Variants in NUP210 observed in about 807,000 individuals in gnomAD.
NUP210 encodes nucleoporin 210, also known as nuclear pore membrane glycoprotein 210.
A neutral mutation model predicts 196.0 loss-of-function variants in NUP210; 151 were observed. The observed-to-expected ratio is 0.77, with a 90% CI of 0.67 to 0.88. The LOEUF (loss-of-function observed/expected upper bound fraction) is 0.88. Ranked by LOEUF, NUP210 falls within the 40% of genes least tolerant of loss-of-function variation. The pLI, the probability that NUP210 is intolerant of heterozygous loss-of-function variation, is 0.00. For missense variants in NUP210, 2,314 were observed against 2,493.7 expected (o/e 0.93, Z 1.53); for synonymous variants, 1,070 against 1,052.7 (o/e 1.02, Z -0.32).
At chr3:13,400,112 G>A (rs1334481636) in intron 1 of NUP210, among the ~76,000 whole-genome samples, 1 of 152,160 alleles carries the variant, frequency 6.6e-6, no homozygotes, top group East Asian at 1.9e-4. Flanking sequence ...AATCAAACAG[G>A]AGACCTCACA....
At chr3:13,365,464 C>T (rs1249406871) in intron 14 of NUP210, among the ~76,000 whole-genome samples, 7 of 152,212 alleles carry the variant, frequency 4.6e-5, no homozygotes, top group African/African-American at 1.7e-4. Context: ...AGATGGGGAG[C>T]AGGATGGATG....
chr3:13,416,843 G>A (rs763882919), intron 1 of NUP210, among the ~76,000 whole-genome samples: 5 of 152,336 alleles, frequency 3.3e-5, no homozygotes, highest in African/African-American at 4.8e-5. Context: ...ATGTAAGAAA[G>A]GAGCTAGGAG....
chr3:13,320,362 G>A (rs747789770), intron 36 of NUP210, among the ~76,000 whole-genome samples: 3 of 152,126 alleles, frequency 2.0e-5, no homozygotes, highest in Admixed American at 6.5e-5. Flanking sequence ...GGCTGGGCGC[G>A]GTTGCTCACG....
chr3:13,406,319 T>C (rs1699998534), intron 1 of NUP210, among the ~76,000 whole-genome samples: 1 of 152,118 alleles, frequency 6.6e-6, no homozygotes, highest in Non-Finnish European at 1.5e-5. Context: ...TCAGGAACTC[T>C]AAACACCAGA....
At chr3:13,397,739 CAA>C in intron 2 of NUP210, among the ~76,000 whole-genome samples, 1 of 151,662 alleles carries the variant, frequency 6.6e-6, no homozygotes, top group South Asian at 2.1e-4. Context: ...AAGCTGTGGG[CAA>C]AAAAAACTCC....
chr3:13,317,557 G>T lies in NUP210; in HGVS notation c.*124C>A. On this transcript the variant is annotated 3_prime_UTR_variant, in exon 40 of 40. Transcript: ENST00000254508. ...CTCTGTGTGAAGAGACGGCAGTGAAGCTGGCCTGGGGCCGGGGCACTCATC... is the reference window on the plus strand; with the variant it reads ...CTCTGTGTGAAGAGACGGCAGTGAATCTGGCCTGGGGCCGGGGCACTCATC... 2.8e-6 allele frequency: 2 copies of T among 725,672 alleles called. No individual in the cohort carries two copies. Among genetic ancestry groups the T allele is most frequent in the Non-Finnish European group, 4.8e-6 (2 of 413,546 alleles). 45.0% of individuals were successfully genotyped at this position (725,672 alleles called of 1,614,324 possible).
rs766905053 is a variant in NUP210, at chr3:13,371,995, G to A, written c.1625C>T (p.Pro542Leu). The A allele has an allele frequency of 1.6e-5, 25 of 1,595,656 alleles. No individual in the cohort carries two copies. Among genetic ancestry groups the A allele is most frequent in the East Asian group, 4.5e-5 (2 of 44,112 alleles). ...VIEPHSMEFA[P>L]CQVEARVGQA... Reference sequence around the variant, plus strand: ...GCCCACACGTGCCTCCACCTGGCACGGGGCAAACTCCATGCTGTGGGGCTC... The same window carrying A: ...GCCCACACGTGCCTCCACCTGGCACAGGGCAAACTCCATGCTGTGGGGCTC... The change falls in exon 13 of 40, where the codon CCG (proline) becomes CTG (leucine). Residue 542 changes from proline to leucine, a missense_variant. By Grantham distance (98) the Pro-to-Leu change is moderately conservative. Transcript: ENST00000254508.
intron 9 of NUP210, among the ~76,000 whole-genome samples, chr3:13,376,672 G>A (rs758757359): frequency 1.3e-5 from 2 of 152,056 alleles, no homozygotes; most frequent in South Asian, 2.1e-4. Context: ...CCTGCGCTTC[G>A]ATTTCATCCC....
chr3:13,403,130 T>C (rs1699894475), intron 1 of NUP210, among the ~76,000 whole-genome samples: 1 of 152,194 alleles, frequency 6.6e-6, no homozygotes, highest in African/African-American at 2.4e-5. Context: ...ATCCTAAATA[T>C]CATGCTTCTG....
chr3:13,361,221 G>A (rs1559328583), intron 14 of NUP210, among the ~76,000 whole-genome samples: 1 of 152,324 alleles, frequency 6.6e-6, no homozygotes, highest in East Asian at 1.9e-4. Context: ...TGAGTTTTGT[G>A]GCACCTAGAA....
intron 1 of NUP210, among the ~76,000 whole-genome samples, chr3:13,402,020 C>T (rs144752840): frequency 1.4e-4 from 22 of 152,078 alleles, no homozygotes; most frequent in East Asian, 3.9e-4. Flanking sequence ...CAAAGTGAGA[C>T]GCCATCTCTA....
At chr3:13,378,872 C>T (rs1200266663) in intron 8 of NUP210, 40 bp downstream of exon 8, 11 of 1,433,052 alleles carry the variant, frequency 7.7e-6, no homozygotes, top group Non-Finnish European at 1.1e-5. Context: ...ATAGTCACAA[C>T]TGAGCAGCAT....
At chr3:13,320,316 T>G (rs1278081679) in intron 36 of NUP210, among the ~76,000 whole-genome samples, 1 of 152,210 alleles carries the variant, frequency 6.6e-6, no homozygotes, top group Non-Finnish European at 1.5e-5. Flanking sequence ...GCTCATTTAA[T>G]TCTAATCAAC....
rs1201972385 is a variant in NUP210, at chr3:13,347,828, T to C, written c.2835+4051A>G. The stretch of plus-strand genomic sequence containing the variant: ...ACTTGCTGCTGACGTCAATACTCCC[T>C]GGAAAATTCCTCCTGCAGGCTTCAG... On this transcript the variant is annotated intron_variant, in intron 20 of 39. Coordinates refer to ENST00000254508, the MANE Select transcript of NUP210 (RefSeq NM_024923.4). This position sits in a 1 kb window ranked among gnomAD's most constrained non-coding sequence, Gnocchi z 4.7. Among the ~76,000 whole-genome samples, 2 of 152,210 alleles carry C rather than the reference T, an allele frequency of 1.3e-5. No individual in the cohort carries two copies. The highest frequency in any genetic ancestry group is 2.4e-5 in the African/African-American group (1 of 41,456).
At chr3:13,376,533 G>C in intron 9 of NUP210, 102 bp from the exon 10 acceptor site, 3 of 1,389,566 alleles carry the variant, frequency 2.2e-6, no homozygotes, top group Non-Finnish European at 3.0e-6. Flanking sequence ...AGCCAGGCCA[G>C]GCCAAGGGGC....
At chr3:13,381,119 T>A (rs921378040) in intron 6 of NUP210, among the ~76,000 whole-genome samples, 1 of 152,242 alleles carries the variant, frequency 6.6e-6, no homozygotes, top group Non-Finnish European at 1.5e-5. Flanking sequence ...TTCTTGCAGA[T>A]TATGTGTCTA....
intron 1 of NUP210, among the ~76,000 whole-genome samples, chr3:13,419,363 G>C: frequency 6.6e-6 from 1 of 152,156 alleles, no homozygotes. Flanking sequence ...GTCGGTCTCT[G>C]GTTTCATGGG....
chr3:13,358,411 G>A lies in NUP210; in HGVS notation c.2155-16C>T, dbSNP rs1698259813. On this transcript the variant is annotated splice_polypyrimidine_tract_variant and intron_variant, in intron 15 of 39. Transcript: ENST00000254508. ...GGGCGATGACCTGGTAGGGCACAGT[G>A]AACAGTCAGACCCCCAAGCTTGAGT... 6.3e-7 allele frequency: 1 copy of A among 1,596,156 alleles called. No homozygotes were observed. Among genetic ancestry groups the A allele is most frequent in the Non-Finnish European group, 8.6e-7 (1 of 1,168,524 alleles).
rs111782840 is a variant in NUP210 at position 13,326,031 on chromosome 3, C to T, written c.4508-100G>A. On this transcript the variant is annotated intron_variant, in intron 32 of 39. Transcript: ENST00000254508. ...ACAGGCCAGCTTCCTCGCTGGCTGC[C>T]GCTACCCCCATGGGGGCTCACTCAG... 633 of 1,480,148 alleles carry T rather than the reference C, an allele frequency of 4.3e-4. 11 individuals carry two copies. The highest frequency in any genetic ancestry group is 2.8e-3 in the African/African-American group (207 of 72,814). The allele number at this position is 1,480,148 out of a possible 1,614,324, so 91.7% of individuals were successfully genotyped here.
Sources: allele counts gnomAD v4.1 joint callset (sites outside exome capture counted in the v4.1 genomes callset), GRCh38; gene constraint gnomAD v4.1.1; non-coding constraint Gnocchi (gnomAD v3.1); transcripts MANE v1.5; gene names NCBI Gene and HGNC (gene_info 2026-07-23, HGNC 2026-07-21).